Variants in DYSF observed in about 807,000 individuals in gnomAD.
DYSF encodes the protein dystrophy-associated fer-1-like 1.
Under a neutral mutation model 274.9 loss-of-function variants are expected in DYSF, and 212 were observed. That is an observed-to-expected ratio of 0.77 (90% CI 0.69 to 0.86). The LOEUF (loss-of-function observed/expected upper bound fraction) is 0.86. Ranked by LOEUF, DYSF falls within the 40% of genes least tolerant of loss-of-function variation. The pLI is 0.00. For missense variants in DYSF, 2,666 were observed against 2,783.2 expected, an observed-to-expected ratio of 0.96 and a Z score of 0.95; for synonymous variants, 1,091 against 1,078.7, an observed-to-expected ratio of 1.01 and a Z score of -0.22.
intron 42 of DYSF, among the ~76,000 whole-genome samples, chr2:71,645,738 T>C (rs1233953424): frequency 2.6e-5 from 4 of 152,082 alleles, no homozygotes; most frequent in Non-Finnish European, 5.9e-5. Context: ...AGTTATTTAT[T>C]TGAAATTCAG....
chr2:71,538,201 A>T (rs1380791966), intron 16 of DYSF, among the ~76,000 whole-genome samples: 1 of 152,246 alleles, frequency 6.6e-6, no homozygotes, highest in East Asian at 1.9e-4. Context: ...GAGTGAGTTA[A>T]GTCACCTGAT....
intron 53 of DYSF, among the ~76,000 whole-genome samples, chr2:71,680,509 G>A (rs2095282629): frequency 6.6e-6 from 1 of 152,126 alleles, no homozygotes; most frequent in African/African-American, 2.4e-5. Context: ...TCTAGGTTCT[G>A]GGATATTTGT....
intron 47 of DYSF, among the ~76,000 whole-genome samples, chr2:71,666,029 C>T (rs1184516666): frequency 6.6e-6 from 1 of 151,924 alleles, no homozygotes; most frequent in Admixed American, 6.6e-5. Context: ...GGCTTTGATG[C>T]CCCCATCCCC....
intron 52 of DYSF, among the ~76,000 whole-genome samples, chr2:71,676,009 C>T (rs1489253037): frequency 6.6e-6 from 1 of 152,112 alleles, no homozygotes; most frequent in Non-Finnish European, 1.5e-5. Flanking sequence ...TTTATATCTC[C>T]ATCATCACAC....
At position 71,517,019 on chromosome 2, in the gene DYSF, G is replaced by C. The variant is rs1314586455; in HGVS notation, c.982G>C (p.Ala328Pro). 6.2e-7 allele frequency: 1 copy of C among 1,614,066 alleles called. No homozygotes were observed. The highest frequency in any genetic ancestry group is 8.5e-7 in the Non-Finnish European group (1 of 1,180,030). Reference protein sequence around the residue: ...VVDSRSLRTDALLGEFRMDVG... With the variant: ...VVDSRSLRTDPLLGEFRMDVG... ...AGACTCTCGTTCTCTCAGGACAGAT[G>C]CTCTCCTCGGGGAGTTCCGGGTAAT... Residue 328 changes from alanine to proline, a missense_variant, in exon 10 of 56, where the codon GCT (alanine) becomes CCT (proline). By Grantham distance (27) the Ala-to-Pro change is conservative (BLOSUM62 -1). This residue lies in a region of DYSF where 794 missense variants were observed against 777.1 expected (regional missense o/e 1.02). Transcript: ENST00000410020.
chr2:71,681,214 C>T (rs1174911214), intron 54 of DYSF, 104 bp downstream of exon 54: 21 of 1,115,742 alleles, frequency 1.9e-5, no homozygotes, highest in South Asian at 7.9e-5. Flanking sequence ...ACAAAGCCCA[C>T]GTGGCTCAGA....
chr2:71,652,045 T>G (rs1383906366), intron 42 of DYSF, among the ~76,000 whole-genome samples: 2 of 152,192 alleles, frequency 1.3e-5, no homozygotes, highest in Non-Finnish European at 2.9e-5. Flanking sequence ...CTTCATGACT[T>G]CAGAAGGTTT....
chr2:71,674,371 G>T (rs2095183804), intron 52 of DYSF, 75 bp downstream of exon 52: 1 of 1,449,302 alleles, frequency 6.9e-7, no homozygotes, highest in Admixed American at 1.7e-5. Flanking sequence ...TTATGCCACT[G>T]TTGGACCCTT....
In DYSF at chr2:71,686,597, A is replaced by G; in HGVS notation, c.*105A>G. 4 of 1,364,328 alleles carry G rather than the reference A, an allele frequency of 2.9e-6. No individual in the cohort carries two copies. The highest frequency in any genetic ancestry group is 4.2e-6 in the Non-Finnish European group (4 of 960,800). The allele number at this position is 1,364,328 out of a possible 1,614,324, so 84.5% of individuals were successfully genotyped here. A position where few individuals can be genotyped will look rare whatever the true frequency, so the allele number is the denominator to read the frequency against. On this transcript the variant is annotated 3_prime_UTR_variant, in exon 56 of 56. Transcript: ENST00000410020. ...AGCTCCTCCAGACCTCCTAGGCCTGATTGTCCTGCCAGGGTGGGCAGACAG... is the reference window on the plus strand; with the variant it reads ...AGCTCCTCCAGACCTCCTAGGCCTGGTTGTCCTGCCAGGGTGGGCAGACAG...
At chr2:71,536,317 A>C (rs115969363) in intron 16 of DYSF, among the ~76,000 whole-genome samples, 2,342 of 152,274 alleles carry the variant, frequency 0.015, 33 homozygotes, top group Non-Finnish European at 0.02. Flanking sequence ...CAGAGCCATT[A>C]AGCTGTGTGC....
At chr2:71,658,300 A>G (rs1316321679) in intron 43 of DYSF, among the ~76,000 whole-genome samples, 1 of 152,178 alleles carries the variant, frequency 6.6e-6, no homozygotes, top group Admixed American at 6.5e-5. Context: ...CCATATTGCT[A>G]TCAGCATTTT....
chr2:71,520,300 G>A lies in DYSF; in HGVS notation c.1033+92G>A, dbSNP rs188682511. On this transcript the variant is annotated intron_variant, in intron 11 of 55. Transcript: ENST00000410020. ...TTGGGGTCCTCACTGTCCCTCCTGG[G>A]GGTTTTAGAATCTAGAGGAAGGGTT... 5.9e-3 allele frequency: 8,369 copies of A among 1,409,348 alleles called. 55 individuals carry two copies. Among genetic ancestry groups the A allele is most frequent in the Middle Eastern group, 0.013 (71 of 5,644 alleles). 87.3% of individuals were successfully genotyped at this position (1,409,348 alleles called of 1,614,324 possible). A position where few individuals can be genotyped will look rare whatever the true frequency, so the allele number is the denominator to read the frequency against.
At chr2:71,669,567 C>T (rs764536420) in intron 50 of DYSF, 38 bp from the exon 51 acceptor site, 17 of 1,613,748 alleles carry the variant, frequency 1.1e-5, no homozygotes, top group Non-Finnish European at 1.4e-5. Flanking sequence ...TGTTGGAAAT[C>T]TTAATGAGAA....
At chr2:71,516,953 C>T (rs1272227037) in intron 9 of DYSF, 36 bp from the exon 10 acceptor site, 2 of 1,610,028 alleles carry the variant, frequency 1.2e-6, no homozygotes, top group South Asian at 2.2e-5. Context: ...CCACATGTTC[C>T]CTGTGAATGT....
rs3764971 is a variant in DYSF at position 71,570,582 on chromosome 2, G to A, written c.3086-17G>A. Reference sequence around the variant, plus strand: ...GGGAACTGCCAAGCAATGAGTGACCGGTTCCCCCTCCCCCAGGCTGGGAGT... The same window carrying A: ...GGGAACTGCCAAGCAATGAGTGACCAGTTCCCCCTCCCCCAGGCTGGGAGT... On this transcript the variant is annotated splice_polypyrimidine_tract_variant and intron_variant, in intron 28 of 55. Transcript: ENST00000410020. 0.24 allele frequency: 388,537 copies of A among 1,611,560 alleles called. 50,436 individuals carry two copies. The highest frequency in any genetic ancestry group is 0.42 in the East Asian group (18,895 of 44,770).
chr2:71,572,018 C>T (rs1476077077), intron 29 of DYSF, among the ~76,000 whole-genome samples: 1 of 148,872 alleles, frequency 6.7e-6, no homozygotes, highest in Non-Finnish European at 1.5e-5. Context: ...ACACTCAGCA[C>T]ACACACATTA....
At chr2:71,627,226 G>T (rs1004902331) in intron 41 of DYSF, among the ~76,000 whole-genome samples, 1 of 151,244 alleles carries the variant, frequency 6.6e-6, no homozygotes, top group Non-Finnish European at 1.5e-5. Context: ...AACATTTAAG[G>T]CTCTAAAATT....
chr2:71,516,357 T>G, intron 9 of DYSF, 115 bp downstream of exon 9: 1 of 1,002,022 alleles, frequency 1.0e-6, no homozygotes, highest in Non-Finnish European at 1.6e-6. Flanking sequence ...TGTGAATGCG[T>G]GAATGCGTGT....
chr2:71,554,118 G>C (rs1415361927), intron 21 of DYSF, among the ~76,000 whole-genome samples, 187 bp downstream of exon 21: 2 of 152,214 alleles, frequency 1.3e-5, no homozygotes, highest in Non-Finnish European at 2.9e-5. Context: ...TGCATGCTTG[G>C]AAGAGAAAAG....
Sources: allele counts gnomAD v4.1 joint callset (sites outside exome capture counted in the v4.1 genomes callset), GRCh38; gene constraint gnomAD v4.1.1; regional missense constraint gnomAD v4.1.1; transcripts MANE v1.5; gene names NCBI Gene and HGNC (gene_info 2026-07-23, HGNC 2026-07-21).